Variants in DMD observed in about 807,000 individuals in gnomAD.
The protein encoded by DMD is dystrophin.
Under a neutral mutation model 330.1 loss-of-function variants are expected in DMD, and 63 were observed. The ratio of observed to expected loss-of-function variants is 0.19; its 90% CI spans 0.16 to 0.24. DMD has a LOEUF of 0.24. DMD is among the 10% of genes least tolerant of loss of function. DMD has a pLI of 1.00. For synonymous variants in DMD, 1,223 were observed against 959.8 expected, an observed-to-expected ratio of 1.27 and a Z score of -5.07; for missense variants, 3,344 against 2,684.1, an observed-to-expected ratio of 1.25 and a Z score of -5.43.
intron 37 of DMD, among the ~76,000 whole-genome samples, chrX:32,358,536 C>T (rs1015607626): frequency 2.7e-5 from 3 of 111,807 alleles, no homozygotes; most frequent in Admixed American, 9.5e-5. Context: ...CGAAAAAACA[C>T]GCTTTTTTCA....
At chrX:32,585,262 C>T (rs190799653) in intron 13 of DMD, among the ~76,000 whole-genome samples, 2,559 of 110,941 alleles carry the variant, frequency 0.023, 27 homozygotes, top group Middle Eastern at 0.043. Flanking sequence ...TTCTAATGTT[C>T]GATAGCAGAG....
intron 67 of DMD, among the ~76,000 whole-genome samples, chrX:31,190,013 A>T (rs1031079410): frequency 1.8e-5 from 2 of 112,410 alleles, no homozygotes; most frequent in African/African-American, 3.2e-5. Flanking sequence ...CTTAAAATAT[A>T]GGTATACACA....
chrX:32,486,173 C>T (rs1465339334), intron 20 of DMD, among the ~76,000 whole-genome samples: 1 of 111,339 alleles, frequency 9.0e-6, no homozygotes, highest in Non-Finnish European at 1.9e-5. Context: ...CACTGCTGTA[C>T]TGTCACTAGC....
chrX:31,348,879 T>C (rs1048779773), intron 60 of DMD, among the ~76,000 whole-genome samples: 3 of 111,937 alleles, frequency 2.7e-5, no homozygotes, highest in African/African-American at 9.7e-5. Flanking sequence ...TTTGGTTTTT[T>C]TTTACAGTCA....
chrX:33,074,645 A>T (rs2094811240), intron 1 of DMD, among the ~76,000 whole-genome samples: 1 of 110,906 alleles, frequency 9.0e-6, no homozygotes, highest in Non-Finnish European at 1.9e-5. Flanking sequence ...TGGCTTGATA[A>T]GAAGAGAGAC....
At chrX:31,169,755 C>T (rs962347100) in intron 73 of DMD, among the ~76,000 whole-genome samples, 154 bp from the exon 74 acceptor site, 4 of 111,621 alleles carry the variant, frequency 3.6e-5, no homozygotes, top group African/African-American at 1.3e-4. Flanking sequence ...TTTGATACTG[C>T]TGAGGTTGTG....
chrX:33,259,004 A>T (rs2148902839), intron 1 of DMD, among the ~76,000 whole-genome samples: 1 of 111,296 alleles, frequency 9.0e-6, no homozygotes, highest in East Asian at 2.8e-4. Context: ...AGAATGGGAA[A>T]ATAAAATACC....
intron 55 of DMD, among the ~76,000 whole-genome samples, chrX:31,547,897 TC>T (rs2074242201): frequency 8.9e-6 from 1 of 111,790 alleles, no homozygotes; most frequent in Non-Finnish European, 1.9e-5. Context: ...GCCCATTCAA[TC>T]CCTCTTCCCA....
At chrX:33,024,131 C>T (rs1220443436) in intron 1 of DMD, among the ~76,000 whole-genome samples, 1 of 111,612 alleles carries the variant, frequency 9.0e-6, no homozygotes, top group Non-Finnish European at 1.9e-5. Context: ...TATTTTGATA[C>T]GTTAACATGA....
intron 59 of DMD, 145 bp downstream of exon 59, chrX:31,477,961 A>G (rs1196631554): frequency 9.9e-6 from 6 of 609,136 alleles, no homozygotes; most frequent in Non-Finnish European, 1.5e-5. Flanking sequence ...TGGAGAAAAT[A>G]CCATGTGAAT....
At chrX:32,706,530 C>A (rs1451897044) in intron 7 of DMD, among the ~76,000 whole-genome samples, 1 of 109,883 alleles carries the variant, frequency 9.1e-6, no homozygotes, top group Non-Finnish European at 1.9e-5. Context: ...GGCCACTGCA[C>A]TCCACCCTGG....
chrX:33,179,407 G>C (rs889673802), intron 1 of DMD, among the ~76,000 whole-genome samples: 4 of 111,335 alleles, frequency 3.6e-5, no homozygotes, highest in African/African-American at 9.8e-5. Flanking sequence ...TTTAGAAATT[G>C]AATGGGCCGG....
chrX:32,335,979 T>TGTTATATATAACGTGTATATATAAC lies in DMD; in HGVS notation c.5922+6096_5922+6120dup, dbSNP rs1369513506. 7.8e-4 allele frequency among the ~76,000 whole-genome samples: 66 copies of TGTTATATATAACGTGTATATATAAC among 84,877 alleles called. 1 individual carries two copies. The highest frequency in any genetic ancestry group is 1.4e-3 in the African/African-American group (35 of 24,765). 73.7% of individuals were successfully genotyped at this position (84,877 alleles called of 115,157 possible). A position where few individuals can be genotyped will look rare whatever the true frequency, so the allele number is the denominator to read the frequency against. Reference sequence around the variant, plus strand: ...ATATAACGTGTATATGTGTATAACATGTTATATATAACGTGTATATATAAC... The same window carrying TGTTATATATAACGTGTATATATAAC: ...ATATAACGTGTATATGTGTATAACATGTTATATATAACGTGTATATATAACGTTATATATAACGTGTATATATAAC... On this transcript the variant is annotated intron_variant, in intron 41 of 78. Coordinates refer to ENST00000357033, the MANE Select transcript of DMD (RefSeq NM_004006.3).
chrX:32,662,212 A>T (rs1475456236), intron 9 of DMD, among the ~76,000 whole-genome samples: 1 of 111,732 alleles, frequency 8.9e-6, no homozygotes, highest in Non-Finnish European at 1.9e-5. Flanking sequence ...GCTTTATATT[A>T]CACTAAAAAG....
chrX:32,823,101 A>C (rs1387295271), intron 5 of DMD, among the ~76,000 whole-genome samples, 194 bp downstream of exon 5: 2 of 111,894 alleles, frequency 1.8e-5, no homozygotes, highest in African/African-American at 6.5e-5. Flanking sequence ...ATTCCTGTAA[A>C]TGTACCAGAA....
In DMD at chrX:32,256,415, T is replaced by G. The variant is rs2124743; in HGVS notation, c.6290+31114A>C. Among the ~76,000 whole-genome samples the G allele has an allele frequency of 2.8e-5, 3 of 107,288 alleles. No individual in the cohort carries two copies. In the South Asian group the frequency reaches 1.2e-3, roughly 44 times the overall value. The allele number at this position is 107,288 out of a possible 115,157, so 93.2% of individuals were successfully genotyped here. A position where few individuals can be genotyped will look rare whatever the true frequency, so the allele number is the denominator to read the frequency against. On this transcript the variant is annotated intron_variant, in intron 43 of 78. Transcript: ENST00000357033. Reference sequence around the variant, plus strand: ...TTGAGCCTATGTGTGTGTTTGCATGTGAGATGGGTCTCCTGAATACACCAC... The same window carrying G: ...TTGAGCCTATGTGTGTGTTTGCATGGGAGATGGGTCTCCTGAATACACCAC...
Position 31,968,417 on chromosome X carries a change from C to T in DMD, c.6536G>A (p.Ser2179Asn), listed in dbSNP as rs752347162. The T allele has an allele frequency of 5.8e-6, 7 of 1,209,143 alleles. No homozygotes were observed. The African/African-American group carries it at 7.0e-5, about 12-fold the overall frequency. Reference sequence around the variant, plus strand: ...GCTTCCCAATTTTTCCTGTAGAATACTGGCATCTGTTTTTGAGGATTGCTG... The same window carrying T: ...GCTTCCCAATTTTTCCTGTAGAATATTGGCATCTGTTTTTGAGGATTGCTG... ...IIQQSSKTDA[S>N]ILQEKLGSLN... The change falls in exon 45 of 79, where the codon AGT becomes AAT. Residue 2179 changes from serine (S) to asparagine (N), a missense_variant. By Grantham distance (46) the Ser-to-Asn change is conservative. Coordinates refer to ENST00000357033, the MANE Select transcript of DMD (RefSeq NM_004006.3).
intron 2 of DMD, among the ~76,000 whole-genome samples, chrX:32,942,324 C>G (rs1489423456): frequency 8.9e-6 from 1 of 112,009 alleles, no homozygotes; most frequent in Non-Finnish European, 1.9e-5. Flanking sequence ...GGGTGGATCA[C>G]CTGAGGTCAG....
At chrX:32,556,478 A>C (rs1176310473) in intron 16 of DMD, among the ~76,000 whole-genome samples, 1 of 111,727 alleles carries the variant, frequency 9.0e-6, no homozygotes, top group East Asian at 2.8e-4. Flanking sequence ...ATACCCAAAT[A>C]TAAATCATTC....
Sources: allele counts gnomAD v4.1 joint callset (sites outside exome capture counted in the v4.1 genomes callset), GRCh38; gene constraint gnomAD v4.1.1; transcripts MANE v1.5; gene names NCBI Gene and HGNC (gene_info 2026-07-23, HGNC 2026-07-21).